ATP13A3: variants seen among roughly 807,000 people sequenced by gnomAD.
ATP13A3 encodes ATPase 13A3.
In ATP13A3, 59 loss-of-function variants were observed where a neutral mutation model predicts 158.1. That is an observed-to-expected ratio of 0.37 (90% CI 0.30 to 0.46). ATP13A3 has a LOEUF of 0.46. Among genes scored for constraint, ATP13A3 ranks in the 20% least tolerant of loss-of-function variants. ATP13A3 has a pLI of 1.00. For synonymous variants in ATP13A3, 491 were observed against 504.3 expected, an observed-to-expected ratio of 0.97 and a Z score of 0.35; for missense variants, 1,166 against 1,525.2, an observed-to-expected ratio of 0.76 and a Z score of 3.92.
At position 194,462,175 on chromosome 3, in the gene ATP13A3, T is replaced by C; in HGVS notation, c.16A>G (p.Arg6Gly). 1.9e-6 allele frequency: 3 copies of C among 1,614,090 alleles called. No individual in the cohort carries two copies. The highest frequency in any genetic ancestry group is 2.5e-6 in the Non-Finnish European group (3 of 1,179,928). The change falls in exon 3 of 34, where the codon AGG (arginine) becomes GGG (glycine). Residue 6 changes from arginine (R) to glycine (G), a missense_variant. Transcript: ENST00000645319. ...TCTTGACCCTGATTGATGGTCTTCC[T>C]TTCTTCCCTGTCCATACCTACAGTG... The part of the protein sequence containing the change: MDREE[R>G]KTINQGQEDE...
intron 2 of ATP13A3, among the ~76,000 whole-genome samples, chr3:194,478,809 T>TGAAAC (rs1720632319): frequency 1.3e-5 from 2 of 152,174 alleles, no homozygotes; most frequent in Non-Finnish European, 2.9e-5. Context: ...AGCACAGTGT[T>TGAAAC]TACCTGCTGG....
chr3:194,437,722 A>G (rs1286438439), intron 17 of ATP13A3, 149 bp from the exon 18 acceptor site: 1 of 760,374 alleles, frequency 1.3e-6, no homozygotes, highest in Non-Finnish European at 2.1e-6. Context: ...GATTCCTTCT[A>G]TACTACTTCC....
chr3:194,488,193 C>T (rs1392283662), upstream of ATP13A3: 1 of 152,290 alleles, frequency 6.6e-6, no homozygotes, highest in African/African-American at 2.4e-5. This position sits in a 1 kb window ranked among gnomAD's most constrained non-coding sequence, Gnocchi z 4.1. Flanking sequence ...TGTTTCATAC[C>T]TCACCGTTTG....
intron 17 of ATP13A3, among the ~76,000 whole-genome samples, chr3:194,437,957 C>T (rs960359572): frequency 9.9e-5 from 15 of 152,094 alleles, no homozygotes; most frequent in African/African-American, 1.2e-4. Flanking sequence ...GGCAGGAGAT[C>T]GAGACCAGAC....
chr3:194,460,296 A>T (rs1719555697), intron 4 of ATP13A3, among the ~76,000 whole-genome samples: 1 of 152,184 alleles, frequency 6.6e-6, no homozygotes, highest in Non-Finnish European at 1.5e-5. Flanking sequence ...TAGGGTTTTT[A>T]AAAAAGAAAA....
At position 194,494,128 on chromosome 3, in the gene ATP13A3, A is replaced by G. The variant is rs1038878761; in HGVS notation, n.668T>C. ...TTGACCACTATAACCAAATGAAGCCAGAGTGATTCACCAGAATGAGTTCAT... is the reference window on the plus strand; with the variant it reads ...TTGACCACTATAACCAAATGAAGCCGGAGTGATTCACCAGAATGAGTTCAT... On this transcript the variant is annotated non_coding_transcript_exon_variant, in exon 2 of 33. Coordinates refer to the ATP13A3 transcript ENST00000687055. This position sits in a 1 kb window ranked among gnomAD's most constrained non-coding sequence, Gnocchi z 4.2. The G allele has an allele frequency of 2.0e-5, 8 of 398,478 alleles. No homozygotes were observed. Among genetic ancestry groups the G allele is most frequent in the Non-Finnish European group, 3.5e-5 (8 of 226,082 alleles). 24.7% of individuals were successfully genotyped at this position (398,478 alleles called of 1,614,324 possible).
chr3:194,417,396 G>GACACTGACAC (rs151283480), intron 31 of ATP13A3, among the ~76,000 whole-genome samples: 9 of 118,054 alleles, frequency 7.6e-5, no homozygotes, highest in Non-Finnish European at 1.6e-4. Context: ...GCCAGATTCT[G>GACACTGACAC]ACACACACAC....
At chr3:194,430,420 A>AGTGG in intron 24 of ATP13A3, 105 bp from the exon 25 acceptor site, 1 of 1,235,904 alleles carries the variant, frequency 8.1e-7, no homozygotes, top group Middle Eastern at 2.7e-4. Context: ...CTAACACACC[A>AGTGG]AGATTCCCCC....
At chr3:194,411,064 A>AG (rs1373188938) in intron 33 of ATP13A3, among the ~76,000 whole-genome samples, 1 of 119,796 alleles carries the variant, frequency 8.3e-6, no homozygotes, top group African/African-American at 5.7e-5. Context: ...CACTGCTTTC[A>AG]GGAAAAAAAA....
intron 22 of ATP13A3, 58 bp downstream of exon 22, chr3:194,431,659 T>G (rs1717231065): frequency 1.4e-6 from 2 of 1,422,976 alleles, no homozygotes; most frequent in Admixed American, 2.8e-5. Flanking sequence ...TTTTTTTATT[T>G]TTTCAGACTA....
At chr3:194,410,937 G>GGTGTTGGGGT (rs1553794330) in intron 33 of ATP13A3, among the ~76,000 whole-genome samples, 83 of 127,274 alleles carry the variant, frequency 6.5e-4, no homozygotes, top group African/African-American at 2.6e-3. Flanking sequence ...GGGGTGTTGG[G>GGTGTTGGGGT]GTGTGTGTGT....
intron 2 of ATP13A3, among the ~76,000 whole-genome samples, chr3:194,469,550 A>G (rs548382040): frequency 6.6e-6 from 1 of 152,354 alleles, no homozygotes; most frequent in East Asian, 1.9e-4. Context: ...TATAACATAT[A>G]TAATTCTGGA....
chr3:194,491,314 G>A (rs939955375), upstream of ATP13A3, among the ~76,000 whole-genome samples: 43 of 152,006 alleles, frequency 2.8e-4, no homozygotes, highest in African/African-American at 9.9e-4. Flanking sequence ...TGGGCCTCCT[G>A]ACCTTAGCAA....
chr3:194,438,111 G>A (rs1052314474), intron 17 of ATP13A3, among the ~76,000 whole-genome samples: 2 of 152,168 alleles, frequency 1.3e-5, no homozygotes, highest in Non-Finnish European at 2.9e-5. Context: ...AGTGAGCTGA[G>A]ATCTCACTAC....
intron 16 of ATP13A3, 27 bp from the exon 17 acceptor site, chr3:194,438,999 A>C (rs1453708025): frequency 6.8e-7 from 1 of 1,464,260 alleles, no homozygotes; most frequent in Non-Finnish European, 9.4e-7. Flanking sequence ...GACAAAAAAA[A>C]ACAAAAACAC....
At position 194,428,231 on chromosome 3, in the gene ATP13A3, A is replaced by AG. The variant is rs1553797770; in HGVS notation, c.2947+613_2947+614insC. ...GACAGACTCTGTCTCAAAAAAAAAA[A>AG]AAAAAAGAAAAAAAGAAATTTCTAT... On this transcript the variant is annotated intron_variant, in intron 28 of 33. Transcript: ENST00000645319. 2.6e-3 allele frequency among the ~76,000 whole-genome samples: 368 copies of AG among 141,816 alleles called. 11 individuals are homozygous for AG. Among genetic ancestry groups the AG allele is most frequent in the African/African-American group, 8.6e-3 (306 of 35,776 alleles). The allele number at this position is 141,816 out of a possible 152,430, so 93.0% of individuals were successfully genotyped here. A position where few individuals can be genotyped will look rare whatever the true frequency, so the allele number is the denominator to read the frequency against.
chr3:194,492,291 A>T (rs1304363201), intron 2 of ATP13A3, among the ~76,000 whole-genome samples: 1 of 151,892 alleles, frequency 6.6e-6, no homozygotes, highest in African/African-American at 2.4e-5. Context: ...TTCTTGCCTG[A>T]CTAACTTATA....
chr3:194,429,694 A>G lies in ATP13A3; in HGVS notation c.2858T>C (p.Val953Ala). The change falls in exon 27 of 34, where the codon GTT becomes GCT. Residue 953 changes from valine to alanine, a missense_variant. Coordinates refer to ENST00000645319, the MANE Select transcript of ATP13A3 (RefSeq NM_001367549.1). Reference sequence around the variant, plus strand: ...AATACTCACAGAATACAGCAGAGTAACACTGAAGTACTGGATAATGCTGTA... The same window carrying G: ...AATACTCACAGAATACAGCAGAGTAGCACTGAAGTACTGGATAATGCTGTA... ...ALYSIIQYFS[V>A]TLLYSILSNL... 2 of 1,611,062 alleles carry G rather than the reference A, an allele frequency of 1.2e-6. No homozygotes were observed. The highest frequency in any genetic ancestry group is 1.7e-6 in the Non-Finnish European group (2 of 1,177,340).
intron 16 of ATP13A3, 65 bp from the exon 17 acceptor site, chr3:194,439,037 G>A: frequency 9.9e-7 from 1 of 1,009,738 alleles, no homozygotes; most frequent in Non-Finnish European, 1.5e-6. Context: ...TCATAAAACT[G>A]AATTCATGGT....
Sources: allele counts gnomAD v4.1 joint callset (sites outside exome capture counted in the v4.1 genomes callset), GRCh38; gene constraint gnomAD v4.1.1; non-coding constraint Gnocchi (gnomAD v3.1); transcripts MANE v1.5; gene names NCBI Gene and HGNC (gene_info 2026-07-23, HGNC 2026-07-21).